Variants in TBC1D1 observed in about 807,000 individuals in gnomAD.
TBC1D1 encodes the protein TBC1 (tre-2/USP6, BUB2, cdc16) domain family, member 1.
TBC1D1 carries 89 observed loss-of-function variants against 125.6 expected under a neutral mutation model. That is an observed-to-expected ratio of 0.71 (90% CI 0.60 to 0.85). The LOEUF is 0.85. Ranked by LOEUF, TBC1D1 falls within the 40% of genes least tolerant of loss-of-function variation. The pLI is 0.00. For missense variants in TBC1D1, 1,377 were observed against 1,469.2 expected, an observed-to-expected ratio of 0.94 and a Z score of 1.03; for synonymous variants, 565 against 564.1, an observed-to-expected ratio of 1.00 and a Z score of -0.02.
intron 19 of TBC1D1, among the ~76,000 whole-genome samples, chr4:38,135,911 CGT>C (rs200513658): frequency 0.093 from 12,021 of 129,802 alleles, 519 homozygotes; most frequent in Admixed American, 0.15. Flanking sequence ...TGTATATATA[CGT>C]GTGTGTGTAT....
chr4:37,895,786 A>T (rs1452823907), intron 1 of TBC1D1, among the ~76,000 whole-genome samples: 1 of 152,224 alleles, frequency 6.6e-6, no homozygotes, highest in Non-Finnish European at 1.5e-5. Context: ...GGCACACCCC[A>T]GTACTAAAGC....
chr4:38,028,818 A>G (rs1000141893), intron 7 of TBC1D1, among the ~76,000 whole-genome samples: 3 of 152,182 alleles, frequency 2.0e-5, no homozygotes, highest in Non-Finnish European at 4.4e-5. Flanking sequence ...GTGGGAGTCG[A>G]ATGAGACAAT....
chr4:38,035,659 G>C lies in TBC1D1; in HGVS notation c.1374G>C (p.Glu458Asp). Residue 458 changes from glutamate to aspartate, a missense_variant, in exon 8 of 20, where the codon GAG becomes GAC. Physicochemically the swap from Glu to Asp is conservative, Grantham distance 45. Coordinates refer to ENST00000261439, the MANE Select transcript of TBC1D1 (RefSeq NM_015173.4). ...CTTTTCTGAGATGTTTATATGAAGA[G>C]AAACAGAAAGAACACATCCATATTG... 1 of 1,613,820 alleles carries C rather than the reference G, an allele frequency of 6.2e-7. No individual in the cohort carries two copies. Among genetic ancestry groups the C allele is most frequent in the Non-Finnish European group, 8.5e-7 (1 of 1,179,832 alleles).
intron 12 of TBC1D1, among the ~76,000 whole-genome samples, chr4:38,060,116 A>G (rs1349439041): frequency 6.6e-6 from 1 of 152,110 alleles, no homozygotes; most frequent in Non-Finnish European, 1.5e-5. Context: ...TTCTTTATCT[A>G]GTCTATCATT....
intron 2 of TBC1D1, among the ~76,000 whole-genome samples, chr4:37,962,392 G>A (rs940287966): frequency 3.9e-5 from 6 of 152,228 alleles, no homozygotes; most frequent in Non-Finnish European, 8.8e-5. Flanking sequence ...AAGACAGGAA[G>A]TATTACTGGA....
At position 38,137,648 on chromosome 4, in the gene TBC1D1, T is replaced by G. The variant is rs1449130171; in HGVS notation, c.*313T>G. 2 of 292,444 alleles carry G rather than the reference T, an allele frequency of 6.8e-6. No homozygotes were observed. Among genetic ancestry groups the G allele is most frequent in the Non-Finnish European group, 1.3e-5 (2 of 159,520 alleles). 18.1% of individuals were successfully genotyped at this position (292,444 alleles called of 1,614,324 possible). A position where few individuals can be genotyped will look rare whatever the true frequency, so the allele number is the denominator to read the frequency against. The stretch of plus-strand genomic sequence containing the variant: ...GTTGGTTCCTTTTTGAGTGTCACTG[T>G]GTTTGTAAAGAGCATTCACAATACG... On this transcript the variant is annotated 3_prime_UTR_variant, in exon 20 of 20. Coordinates refer to ENST00000261439, the MANE Select transcript of TBC1D1 (RefSeq NM_015173.4).
At chr4:37,906,590 T>C (rs2995917) in intron 2 of TBC1D1, among the ~76,000 whole-genome samples, 34,100 of 152,172 alleles carry the variant, frequency 0.22, 3,911 homozygotes, top group South Asian at 0.3. Context: ...CTTCTTGCTT[T>C]GATTTTAGCA....
At chr4:38,010,018 G>T (rs1741138947) in intron 2 of TBC1D1, among the ~76,000 whole-genome samples, 1 of 152,196 alleles carries the variant, frequency 6.6e-6, no homozygotes, top group Non-Finnish European at 1.5e-5. Context: ...AAAGTACCCA[G>T]ATCATATCAG....
chr4:38,134,590 G>A (rs1045617263), intron 19 of TBC1D1, among the ~76,000 whole-genome samples: 21 of 152,194 alleles, frequency 1.4e-4, no homozygotes, highest in African/African-American at 5.1e-4. Flanking sequence ...TAACATGGTG[G>A]AAACTTCTAA....
intron 13 of TBC1D1, 115 bp downstream of exon 15, chr4:38,090,232 T>C (rs1323026658): frequency 3.2e-6 from 3 of 936,324 alleles, no homozygotes; most frequent in Non-Finnish European, 5.0e-6. Context: ...GTCTAATGTA[T>C]ACATCTATCT....
intron 2 of TBC1D1, among the ~76,000 whole-genome samples, chr4:37,924,562 C>T (rs1430232357): frequency 1.3e-5 from 2 of 152,114 alleles, no homozygotes; most frequent in African/African-American, 2.4e-5. Flanking sequence ...CCCTGGAAAC[C>T]TCTTTTATTT....
chr4:38,109,085 C>T (rs1047126046), intron 15 of TBC1D1, among the ~76,000 whole-genome samples: 10 of 152,270 alleles, frequency 6.6e-5, no homozygotes, highest in Admixed American at 4.6e-4. Flanking sequence ...AGTTGAAGTC[C>T]TGTGTGAGAA....
intron 12 of TBC1D1, among the ~76,000 whole-genome samples, chr4:38,055,957 C>T (rs184550386): frequency 2.6e-5 from 4 of 152,114 alleles, no homozygotes; most frequent in Non-Finnish European, 5.9e-5. Context: ...CTCGGTGTTG[C>T]GGTGGCCATA....
rs1344581548 is a variant in TBC1D1 at position 37,974,848 on chromosome 4, C to A, written c.418-39661C>A. Among the ~76,000 whole-genome samples, 8 of 152,310 alleles carry A rather than the reference C, an allele frequency of 5.3e-5. 1 individual carries two copies. The East Asian group carries it at 1.5e-3, about 29-fold the overall frequency. On this transcript the variant is annotated intron_variant, in intron 2 of 19. Transcript: ENST00000261439. The stretch of plus-strand genomic sequence containing the variant: ...TGCTGGGATTACAGGCATGAGCCAC[C>A]ACGCCCAGCCTCTCTATGCCTTTAC...
intron 2 of TBC1D1, among the ~76,000 whole-genome samples, chr4:37,925,614 C>T (rs767368623): frequency 1.2e-4 from 17 of 145,768 alleles, no homozygotes; most frequent in South Asian, 6.5e-4. Flanking sequence ...TACTTAGGAG[C>T]GGAGGTTGCA....
chr4:38,000,742 TA>T (rs941194002), intron 2 of TBC1D1, among the ~76,000 whole-genome samples: 1 of 152,140 alleles, frequency 6.6e-6, no homozygotes, highest in African/African-American at 2.4e-5. Context: ...ATTCTGACAC[TA>T]ACAACCTGAA....
intron 2 of TBC1D1, among the ~76,000 whole-genome samples, chr4:37,992,558 G>A (rs1393052865): frequency 2.7e-5 from 4 of 147,668 alleles, no homozygotes; most frequent in Admixed American, 6.8e-5. Flanking sequence ...GCAGTGGCGC[G>A]ATCTTGGCTC....
chr4:38,095,998 A>C lies in TBC1D1; in HGVS notation c.2306A>C (p.Glu769Ala), dbSNP rs1441978709. 1.2e-6 allele frequency: 2 copies of C among 1,614,092 alleles called. No individual in the cohort carries two copies. The highest frequency in any genetic ancestry group is 1.7e-6 in the Non-Finnish European group (2 of 1,179,970). ...GAAGAAATTACTCCCTGTCTTAAAGAAGTAACTACAGTGTGGGAAAAGATG... is the reference window on the plus strand; with the variant it reads ...GAAGAAATTACTCCCTGTCTTAAAGCAGTAACTACAGTGTGGGAAAAGATG... The change falls in exon 14 of 20, where the codon GAA becomes GCA. Residue 769 changes from glutamate to alanine, a missense_variant. Glu to Ala is a moderately radical substitution (Grantham distance 107). Around this residue, in one of 3 missense-constraint regions of TBC1D1, gnomAD observed 543 missense variants for 613.5 expected, o/e 0.89. Transcript: ENST00000261439.
rs58267781 is a variant in TBC1D1 at position 38,052,712 on chromosome 4, ACGCG to A, written c.1911-1473_1911-1470del. 3.6e-3 allele frequency among the ~76,000 whole-genome samples: 453 copies of A among 125,596 alleles called. 3 individuals are homozygous for A. The highest frequency in any genetic ancestry group is 0.01 in the Admixed American group (126 of 12,232). The allele number at this position is 125,596 out of a possible 152,430, so 82.4% of individuals were successfully genotyped here. On this transcript the variant is annotated intron_variant, in intron 11 of 19. Coordinates refer to ENST00000261439, the MANE Select transcript of TBC1D1 (RefSeq NM_015173.4). ...TACATGCATGCGTATATACACACACACGCGCGCGCGCGCGCGCACACACACACAC... is the reference window on the plus strand; with the variant it reads ...TACATGCATGCGTATATACACACACACGCGCGCGCGCGCACACACACACAC...
Sources: gnomAD v4.1 joint callset for allele counts (sites outside exome capture counted in the v4.1 genomes callset) on GRCh38, gnomAD v4.1.1 for gene constraint, gnomAD v4.1.1 regional missense constraint, MANE v1.5 for transcripts, NCBI Gene and HGNC (gene_info 2026-07-23, HGNC 2026-07-21) for gene names.